RABGAP1: variants seen among roughly 807,000 people sequenced by gnomAD.
The protein encoded by RABGAP1 is rab GTPase-activating protein 1.
In RABGAP1, 23 loss-of-function variants were observed where a neutral mutation model predicts 137.6. The ratio of observed to expected loss-of-function variants is 0.17; its 90% CI spans 0.12 to 0.24. The LOEUF is 0.24. Ranked by LOEUF, RABGAP1 falls within the 10% of genes least tolerant of loss-of-function variation. RABGAP1 has a pLI of 1.00. For missense variants in RABGAP1, 906 were observed against 1,275.8 expected (o/e 0.71, Z 4.42); for synonymous variants, 451 against 450.7 (o/e 1.00, Z -0.01).
intron 2 of RABGAP1, among the ~76,000 whole-genome samples, chr9:122,958,386 A>AT (rs1834658325): frequency 6.6e-6 from 1 of 152,208 alleles, no homozygotes; most frequent in African/African-American, 2.4e-5. Flanking sequence ...GAAAATAAAT[A>AT]TATCAAGTAA....
At chr9:123,073,761 T>C (rs925310702) in intron 16 of RABGAP1, 84 bp downstream of exon 16, 12 of 1,563,516 alleles carry the variant, frequency 7.7e-6, no homozygotes, top group Middle Eastern at 1.7e-4. Context: ...CCAGGGAGCA[T>C]TGGTAATTGC....
intron 21 of RABGAP1, among the ~76,000 whole-genome samples, chr9:123,093,501 A>C (rs700077): frequency 0.99 from 150,421 of 152,350 alleles, 74,286 homozygotes; most frequent in East Asian, 1. Context: ...GGTGAGCCCA[A>C]CTGCTGTCCA....
At chr9:123,019,278 A>T (rs1000707957) in intron 12 of RABGAP1, among the ~76,000 whole-genome samples, 2 of 152,232 alleles carry the variant, frequency 1.3e-5, no homozygotes, top group African/African-American at 2.4e-5. Flanking sequence ...TTGGAAACAT[A>T]CTTGAGATAT....
chr9:122,967,091 G>T (rs12002865), intron 2 of RABGAP1, among the ~76,000 whole-genome samples: 1 of 152,276 alleles, frequency 6.6e-6, no homozygotes, highest in East Asian at 1.9e-4. Flanking sequence ...AGAATTCCTT[G>T]TAAGACAAGT....
chr9:123,015,550 T>G lies in RABGAP1; in HGVS notation c.1557T>G (p.Asp519Glu). 6.2e-7 allele frequency: 1 copy of G among 1,606,868 alleles called. No individual in the cohort carries two copies. Among genetic ancestry groups the G allele is most frequent in the East Asian group, 2.2e-5 (1 of 44,680 alleles). Residue 519 changes from aspartate (D) to glutamate (E), a missense_variant, in exon 12 of 26, where the codon GAT (aspartate) becomes GAG (glutamate). Around this residue, in one of 9 missense-constraint regions of RABGAP1, gnomAD observed 212 missense variants for 289.4 expected, o/e 0.73. Transcript: ENST00000373647. The stretch of plus-strand genomic sequence containing the variant: ...GTGTTTTGTTTATTATAGATAATGA[T>G]GAACCTCTCCTGAGTGGATCTGGTG... ...PPEDDEEEDN[D>E]EPLLSGSGDV... is the part of the protein sequence containing the mutation.
chr9:123,093,320 A>G (rs941355391), intron 21 of RABGAP1, among the ~76,000 whole-genome samples: 2 of 152,188 alleles, frequency 1.3e-5, no homozygotes, highest in Non-Finnish European at 2.9e-5. Context: ...GGTGACCCCA[A>G]TCAAGCTTTC....
upstream of RABGAP1, chr9:122,939,055 C>T (rs555066037): frequency 6.6e-5 from 10 of 152,060 alleles, no homozygotes; most frequent in Admixed American, 4.6e-4. Flanking sequence ...ATAATTTGGT[C>T]AACAGAATAT....
intron 3 of RABGAP1, among the ~76,000 whole-genome samples, chr9:122,985,209 G>A (rs746189395): frequency 6.6e-6 from 1 of 152,152 alleles, no homozygotes; most frequent in African/African-American, 2.4e-5. Context: ...GGAAAAGCAG[G>A]TGCTAAAACT....
intron 13 of RABGAP1, among the ~76,000 whole-genome samples, chr9:123,051,993 G>C (rs1007240468): frequency 1.1e-4 from 16 of 149,298 alleles, no homozygotes; most frequent in African/African-American, 3.7e-4. Context: ...TATTCGTAGG[G>C]ACGGAGTTTC....
chr9:123,035,515 C>T, intron 13 of RABGAP1: 1 of 1,613,626 alleles, frequency 6.2e-7, no homozygotes, highest in Non-Finnish European at 8.5e-7. Context: ...AGGACTAAAG[C>T]GCCTCTCAGG....
intron 13 of RABGAP1, among the ~76,000 whole-genome samples, chr9:123,046,073 G>A (rs768571389): frequency 1.8e-4 from 28 of 152,166 alleles, no homozygotes; most frequent in Non-Finnish European, 3.7e-4. Flanking sequence ...AATCCCTTAA[G>A]TACTGCCTTG....
At chr9:123,014,297 T>G (rs2031050636) in intron 11 of RABGAP1, among the ~76,000 whole-genome samples, 1 of 152,248 alleles carries the variant, frequency 6.6e-6, no homozygotes, top group Non-Finnish European at 1.5e-5. Flanking sequence ...GAATTTACTT[T>G]CCTTAATTGA....
intron 13 of RABGAP1, chr9:123,034,645 T>A: frequency 6.2e-7 from 1 of 1,613,682 alleles, no homozygotes; most frequent in South Asian, 1.1e-5. Context: ...AACTGTCAAT[T>A]TTTGCCTTTT....
intron 19 of RABGAP1, among the ~76,000 whole-genome samples, chr9:123,088,612 C>G (rs1281024580): frequency 6.6e-6 from 1 of 151,986 alleles, no homozygotes; most frequent in East Asian, 1.9e-4. Flanking sequence ...CAACTTGCCA[C>G]AGGATGTCAA....
At chr9:123,095,406 A>C (rs1399653923) in intron 21 of RABGAP1, among the ~76,000 whole-genome samples, 1 of 152,138 alleles carries the variant, frequency 6.6e-6, no homozygotes, top group African/African-American at 2.4e-5. Flanking sequence ...AAGCATTTAA[A>C]GTTATTAATC....
chr9:122,954,994 G>A (rs1422352525), intron 1 of RABGAP1, among the ~76,000 whole-genome samples: 2 of 152,144 alleles, frequency 1.3e-5, no homozygotes, highest in East Asian at 3.8e-4. Context: ...GTAAAATGCT[G>A]TAGGAACAGA....
In RABGAP1 at chr9:123,020,479, G is replaced by C. The variant is rs772290317; in HGVS notation, c.1794+20G>C. ...ACAAAGGTAAGGGGGTGATAATTCA[G>C]CTTCAGCATTAATCCTTTTAGAGAT... On this transcript the variant is annotated intron_variant, in intron 13 of 25. Transcript: ENST00000373647. The C allele has an allele frequency of 2.0e-6, 3 of 1,519,486 alleles. No homozygotes were observed. Among genetic ancestry groups the C allele is most frequent in the Non-Finnish European group, 2.7e-6 (3 of 1,127,164 alleles). The allele number at this position is 1,519,486 out of a possible 1,614,324, so 94.1% of individuals were successfully genotyped here.
intron 15 of RABGAP1, among the ~76,000 whole-genome samples, chr9:123,072,484 T>C (rs2034386727): frequency 6.6e-6 from 1 of 152,194 alleles, no homozygotes; most frequent in Non-Finnish European, 1.5e-5. Flanking sequence ...AAAATGGGTT[T>C]TCCAATCAGA....
At chr9:123,013,306 G>A (rs2131890396) in intron 11 of RABGAP1, among the ~76,000 whole-genome samples, 1 of 150,754 alleles carries the variant, frequency 6.6e-6, no homozygotes, top group Non-Finnish European at 1.5e-5. Flanking sequence ...TAGTGAAGCT[G>A]GGGACATTTA....
Sources: gnomAD v4.1 joint callset for allele counts (sites outside exome capture counted in the v4.1 genomes callset) on GRCh38, gnomAD v4.1.1 for gene constraint, gnomAD v4.1.1 regional missense constraint, MANE v1.5 for transcripts, NCBI Gene and HGNC (gene_info 2026-07-23, HGNC 2026-07-21) for gene names.